ADCY2: variants seen among roughly 807,000 people sequenced by gnomAD.
The protein encoded by ADCY2 is adenylate cyclase type 2.
A neutral mutation model predicts 125.2 loss-of-function variants in ADCY2; 31 were observed. The ratio of observed to expected loss-of-function variants is 0.25; its 90% CI spans 0.19 to 0.33. The LOEUF is 0.33. Ranked by LOEUF, ADCY2 falls within the 10% of genes least tolerant of loss-of-function variation. ADCY2 has a pLI of 1.00. For missense variants in ADCY2, 904 were observed against 1,418.2 expected (o/e 0.64, Z 5.82); for synonymous variants, 512 against 548.4 (o/e 0.93, Z 0.93).
Position 7,512,233 on chromosome 5 carries a change from A to AAG in ADCY2, c.409-8504_409-8503insGA, listed in dbSNP as rs1554015571. Among the ~76,000 whole-genome samples the AAG allele has an allele frequency of 3.8e-4, 54 of 143,832 alleles. 1 individual carries two copies. Among genetic ancestry groups the AAG allele is most frequent in the South Asian group, 4.4e-4 (2 of 4,536 alleles). 94.4% of individuals were successfully genotyped at this position (143,832 alleles called of 152,430 possible). On this transcript the variant is annotated intron_variant, in intron 2 of 24. Transcript: ENST00000338316. ...ATGACTCCATCAAAAAAAAAAAAAA[A>AAG]AAAAAAAGAAAACCATCAGAGGGCT...
At chr5:7,652,425 C>A (rs778666301) in intron 4 of ADCY2, among the ~76,000 whole-genome samples, 1 of 152,114 alleles carries the variant, frequency 6.6e-6, no homozygotes, top group Non-Finnish European at 1.5e-5. Flanking sequence ...AAATACTTTT[C>A]CCATTGATCT....
intron 3 of ADCY2, among the ~76,000 whole-genome samples, chr5:7,554,872 T>G (rs896050576): frequency 3.3e-5 from 5 of 152,184 alleles, no homozygotes; most frequent in African/African-American, 1.2e-4. Context: ...GGTAAGTGAC[T>G]ATCCCCAGAA....
rs185483137 is a variant in ADCY2, at chr5:7,825,201, G to A, written c.3124-1518G>A. Among the ~76,000 whole-genome samples the A allele has an allele frequency of 3.1e-3, 478 of 151,946 alleles. 4 individuals are homozygous for A. Among genetic ancestry groups the A allele is most frequent in the African/African-American group, 0.011 (458 of 41,432 alleles). On this transcript the variant is annotated intron_variant, in intron 24 of 24. Transcript: ENST00000338316. ...GTGCGCCACGACAACGCTGCTGTGC[G>A]CCACGACAACGCTGCTGTGCGCCAC... is the stretch of plus-strand genomic sequence containing the variant.
At chr5:7,659,007 A>G (rs1472927913) in intron 4 of ADCY2, among the ~76,000 whole-genome samples, 1 of 152,220 alleles carries the variant, frequency 6.6e-6, no homozygotes, top group Non-Finnish European at 1.5e-5. Flanking sequence ...ATTTGGCACC[A>G]TGGCCCAGTC....
At chr5:7,660,243 G>T (rs199915092) in intron 4 of ADCY2, among the ~76,000 whole-genome samples, 1 of 40,444 alleles carries the variant, frequency 2.5e-5, no homozygotes. Context: ...AGGGAGAGAA[G>T]GAAGGAAGGA....
At chr5:7,482,244 C>T (rs1302302176) in intron 2 of ADCY2, among the ~76,000 whole-genome samples, 1 of 152,160 alleles carries the variant, frequency 6.6e-6, no homozygotes, top group African/African-American at 2.4e-5. Context: ...AATGTCTACT[C>T]AGATCCTTTA....
At chr5:7,504,401 G>C (rs1416363460) in intron 2 of ADCY2, among the ~76,000 whole-genome samples, 1 of 152,104 alleles carries the variant, frequency 6.6e-6, no homozygotes, top group African/African-American at 2.4e-5. Flanking sequence ...GGATAGAATT[G>C]TGAAAATACG....
intron 3 of ADCY2, among the ~76,000 whole-genome samples, chr5:7,547,847 T>TC (rs1735198847): frequency 6.6e-6 from 1 of 152,238 alleles, no homozygotes; most frequent in Non-Finnish European, 1.5e-5. Flanking sequence ...ATGCAAGTCG[T>TC]CCGTCCTGGA....
At chr5:7,448,043 AC>A (rs1267963831) in intron 2 of ADCY2, among the ~76,000 whole-genome samples, 1 of 152,104 alleles carries the variant, frequency 6.6e-6, no homozygotes, top group Non-Finnish European at 1.5e-5. Context: ...TGGCACAAGC[AC>A]CCCTCTGAAG....
At chr5:7,444,495 C>T (rs531056026) in intron 2 of ADCY2, among the ~76,000 whole-genome samples, 8 of 152,138 alleles carry the variant, frequency 5.3e-5, no homozygotes, top group Non-Finnish European at 1.2e-4. Flanking sequence ...ATATACAGAG[C>T]TCATTTTTTG....
chr5:7,817,103 C>A, intron 23 of ADCY2, 123 bp downstream of exon 23: 7 of 704,542 alleles, frequency 9.9e-6, no homozygotes, highest in Admixed American at 2.5e-5. Context: ...CATCCCGTTG[C>A]AAGACTGGAT....
At chr5:7,646,124 TA>T (rs538907477) in intron 4 of ADCY2, among the ~76,000 whole-genome samples, 2 of 151,726 alleles carry the variant, frequency 1.3e-5, no homozygotes, top group East Asian at 3.9e-4. Flanking sequence ...TTGGGATTTT[TA>T]AAAAAAACGT....
intron 4 of ADCY2, among the ~76,000 whole-genome samples, chr5:7,638,033 C>T (rs1430914848): frequency 6.6e-6 from 1 of 152,210 alleles, no homozygotes; most frequent in Non-Finnish European, 1.5e-5. Flanking sequence ...CTCCAGCCAT[C>T]ATGGGTTAAA....
At chr5:7,653,442 A>G (rs1739169823) in intron 4 of ADCY2, among the ~76,000 whole-genome samples, 1 of 152,102 alleles carries the variant, frequency 6.6e-6, no homozygotes. Flanking sequence ...CATCTCTACT[A>G]AAAATACAAA....
intron 1 of ADCY2, among the ~76,000 whole-genome samples, chr5:7,398,933 G>A (rs1316943352): frequency 6.6e-6 from 1 of 152,180 alleles, no homozygotes; most frequent in Admixed American, 6.5e-5. Flanking sequence ...GCGATGGCTG[G>A]GGTAGGAACA....
chr5:7,566,296 G>A (rs560672231), intron 3 of ADCY2, among the ~76,000 whole-genome samples: 4 of 152,206 alleles, frequency 2.6e-5, no homozygotes, highest in East Asian at 1.9e-4. Flanking sequence ...AGACCAGCTC[G>A]GCAACATGAT....
At chr5:7,653,588 C>A (rs1739177887) in intron 4 of ADCY2, among the ~76,000 whole-genome samples, 2 of 150,766 alleles carry the variant, frequency 1.3e-5, no homozygotes, top group South Asian at 4.2e-4. Flanking sequence ...GCCTGGGTGA[C>A]AGAGCGAGAC....
chr5:7,654,024 T>G (rs1290279681), intron 4 of ADCY2: 2 of 456,130 alleles, frequency 4.4e-6, no homozygotes, highest in Non-Finnish European at 8.8e-6. Flanking sequence ...GTCATGGACC[T>G]GCGCTGGGCC....
intron 2 of ADCY2, among the ~76,000 whole-genome samples, chr5:7,454,048 C>T (rs984819955): frequency 6.6e-6 from 1 of 152,110 alleles, no homozygotes; most frequent in Non-Finnish European, 1.5e-5. Context: ...ATTATTTTAG[C>T]GAGACAGTTA....
Sources: allele counts gnomAD v4.1 joint callset (sites outside exome capture counted in the v4.1 genomes callset), GRCh38; gene constraint gnomAD v4.1.1; transcripts MANE v1.5; gene names NCBI Gene and HGNC (gene_info 2026-07-23, HGNC 2026-07-21).